Variants in DNMT3A observed in about 807,000 individuals in gnomAD.
The protein encoded by DNMT3A is DNA methyltransferase 3 alpha, also known as DNA (cytosine-5)-methyltransferase 3A.
Under a neutral mutation model 117.6 loss-of-function variants are expected in DNMT3A, and 267 were observed. The observed-to-expected ratio is 2.27, with a 90% confidence interval of 2.05 to 2.51. DNMT3A has a LOEUF of 2.51. Among genes scored for constraint, DNMT3A ranks in the 30% most tolerant of loss-of-function variants. The pLI is 0.00. For synonymous variants in DNMT3A, 432 were observed against 474.8 expected, an observed-to-expected ratio of 0.91 and a Z score of 1.17; for missense variants, 1,029 against 1,260.2, an observed-to-expected ratio of 0.82 and a Z score of 2.78.
chr2:25,234,204 G>A lies in DNMT3A; in HGVS notation c.*75C>T. Reference sequence around the variant, plus strand: ...ACTTCTCTCCATCCTCATGTTCTTGGTGTTTTATTATGTTTTGTGTTTTTT... The same window carrying A: ...ACTTCTCTCCATCCTCATGTTCTTGATGTTTTATTATGTTTTGTGTTTTTT... On this transcript the variant is annotated 3_prime_UTR_variant, in exon 23 of 23. Transcript: ENST00000321117. This position sits in a 1 kb window ranked among gnomAD's most constrained non-coding sequence, Gnocchi z 4.5. 1 of 1,537,256 alleles carries A rather than the reference G, an allele frequency of 6.5e-7. No individual in the cohort carries two copies. The highest frequency in any genetic ancestry group is 8.8e-7 in the Non-Finnish European group (1 of 1,136,124).
At chr2:25,340,338 T>C (rs2035367550) in intron 1 of DNMT3A, among the ~76,000 whole-genome samples, 1 of 150,138 alleles carries the variant, frequency 6.7e-6, no homozygotes, top group South Asian at 2.1e-4. Flanking sequence ...ACGGAGGGGA[T>C]GAGGAGAGGG....
rs758534627 is a variant in DNMT3A, at chr2:25,300,219, G to A, written c.97C>T (p.Arg33Cys). The change falls in exon 3 of 23, where the codon CGT becomes TGT. Residue 33 changes from arginine (R) to cysteine (C), a missense_variant. Transcript: ENST00000321117. ...RKDGEEQEEP[R>C]GKEERQEPST... Reference sequence around the variant, plus strand: ...GGCTCTTGGCGCTCCTCCTTGCCACGCGGCTCCTCCTGCTCCTCTCCGTCC... The same window carrying A: ...GGCTCTTGGCGCTCCTCCTTGCCACACGGCTCCTCCTGCTCCTCTCCGTCC... The A allele has an allele frequency of 1.1e-5, 17 of 1,609,684 alleles. No homozygotes were observed. The highest frequency in any genetic ancestry group is 3.3e-5 in the South Asian group (3 of 91,074).
At chr2:25,325,095 C>G (rs2034735296) in intron 1 of DNMT3A, among the ~76,000 whole-genome samples, 1 of 152,040 alleles carries the variant, frequency 6.6e-6, no homozygotes. Flanking sequence ...AGTCAGACTG[C>G]TTTGCTCACA....
At chr2:25,264,655 G>A (rs1431564746) in intron 6 of DNMT3A, among the ~76,000 whole-genome samples, 1 of 150,620 alleles carries the variant, frequency 6.6e-6, no homozygotes, top group Admixed American at 6.6e-5. Context: ...GTAGAGAGGG[G>A]GTTTCACCAT....
chr2:25,247,683 C>T lies in DNMT3A; in HGVS notation c.922G>A (p.Gly308Ser). 1 of 1,614,004 alleles carries T rather than the reference C, an allele frequency of 6.2e-7. No individual in the cohort carries two copies. Among genetic ancestry groups the T allele is most frequent in the Non-Finnish European group, 8.5e-7 (1 of 1,180,036 alleles). Residue 308 changes from glycine (G) to serine (S), a missense_variant, in exon 8 of 23, where the codon GGC becomes AGC. Transcript: ENST00000321117. This position sits in a 1 kb window ranked among gnomAD's most constrained non-coding sequence, Gnocchi z 5.6. Reference sequence around the variant, plus strand: ...GTCATCCACCAAGACACAATGCGGCCTGGCCACCAGGAGAAGCCCCGCAGT... The same window carrying T: ...GTCATCCACCAAGACACAATGCGGCTTGGCCACCAGGAGAAGCCCCGCAGT... Reference protein sequence around the residue: ...GKLRGFSWWPGRIVSWWMTGR... With the variant: ...GKLRGFSWWPSRIVSWWMTGR...
chr2:25,336,204 C>T (rs1226740254), intron 1 of DNMT3A, among the ~76,000 whole-genome samples: 1 of 152,244 alleles, frequency 6.6e-6, no homozygotes, highest in African/African-American at 2.4e-5. Flanking sequence ...GGGCACCTCC[C>T]CTCTGGGTTG....
Position 25,246,079 on chromosome 2 carries a change from G to A in DNMT3A, c.1430-15C>T. The stretch of plus-strand genomic sequence containing the variant: ...CACCAGCCGCTCTGCAAGGGGAGGA[G>A]AGCTGGCGTCAGAGGAGGCCGCGCC... On this transcript the variant is annotated splice_polypyrimidine_tract_variant and intron_variant, in intron 11 of 22. Transcript: ENST00000321117. 1.9e-6 allele frequency: 3 copies of A among 1,614,190 alleles called. No individual in the cohort carries two copies. The highest frequency in any genetic ancestry group is 2.5e-6 in the Non-Finnish European group (3 of 1,180,026).
chr2:25,292,838 G>A (rs1338556368), intron 3 of DNMT3A, among the ~76,000 whole-genome samples: 1 of 152,102 alleles, frequency 6.6e-6, no homozygotes, highest in East Asian at 1.9e-4. Flanking sequence ...CCTCCAATGG[G>A]TGTGCCGGCG....
At chr2:25,307,087 G>A (rs945069927) in intron 2 of DNMT3A, among the ~76,000 whole-genome samples, 1 of 152,168 alleles carries the variant, frequency 6.6e-6, no homozygotes, top group African/African-American at 2.4e-5. Flanking sequence ...TGCTCTGGGC[G>A]CCCCCTAACT....
At position 25,294,746 on chromosome 2, in the gene DNMT3A, A is replaced by C. The variant is rs374262257; in HGVS notation, c.177+5393T>G. Among the ~76,000 whole-genome samples the C allele has an allele frequency of 2.0e-4, 31 of 152,142 alleles. No individual in the cohort carries two copies. The highest frequency in any genetic ancestry group is 9.6e-4 in the East Asian group (5 of 5,188). ...AGCAGAATGGTTCCCTGACTTCCCCATTTAGGTTACCCCAAGTCATCTGCT... is the reference window on the plus strand; with the variant it reads ...AGCAGAATGGTTCCCTGACTTCCCCCTTTAGGTTACCCCAAGTCATCTGCT... On this transcript the variant is annotated intron_variant, in intron 3 of 22. Transcript: ENST00000321117. The surrounding 1 kb of genome is among the most constrained non-coding windows in gnomAD (Gnocchi z 4.7).
intron 4 of DNMT3A, among the ~76,000 whole-genome samples, chr2:25,280,535 G>A (rs957349451): frequency 4.6e-5 from 7 of 152,072 alleles, no homozygotes; most frequent in African/African-American, 9.7e-5. Flanking sequence ...CCTTCAGCTC[G>A]CGCTGGACAG....
At chr2:25,267,082 G>A (rs1323299644) in intron 6 of DNMT3A, among the ~76,000 whole-genome samples, 1 of 152,178 alleles carries the variant, frequency 6.6e-6, no homozygotes, top group South Asian at 2.1e-4. Flanking sequence ...TAGTAATTAC[G>A]TGGCTAGATT....
At chr2:25,292,699 C>T (rs2032845884) in intron 3 of DNMT3A, among the ~76,000 whole-genome samples, 1 of 152,114 alleles carries the variant, frequency 6.6e-6, no homozygotes, top group Non-Finnish European at 1.5e-5. Flanking sequence ...CTTGCCTTCC[C>T]CTTGATCAAT....
At chr2:25,297,035 G>C (rs1481952955) in intron 3 of DNMT3A, among the ~76,000 whole-genome samples, 2 of 152,102 alleles carry the variant, frequency 1.3e-5, no homozygotes, top group Non-Finnish European at 2.9e-5. Context: ...TCTATTCCCA[G>C]GGCCACAGCT....
Position 25,247,738 on chromosome 2 carries a change from G to A in DNMT3A, c.867C>T (p.Gly289=). 6.2e-7 allele frequency: 1 copy of A among 1,612,632 alleles called. No individual in the cohort carries two copies. Among genetic ancestry groups the A allele is most frequent in the Non-Finnish European group, 8.5e-7 (1 of 1,180,000 alleles). The part of the protein sequence containing the change: ...DDEPEYEDGR[G]FGIGELVWGK... ...CCCACACCAGCTCCCCAATGCCAAAGCCCCGGCCGTCCTGGAGCCCCAAGG... is the reference window on the plus strand; with the variant it reads ...CCCACACCAGCTCCCCAATGCCAAAACCCCGGCCGTCCTGGAGCCCCAAGG... The change falls in exon 8 of 23, where the codon GGC becomes GGT. Residue 289 remains glycine (G), a synonymous_variant. Transcript: ENST00000321117. The surrounding 1 kb of genome is among the most constrained non-coding windows in gnomAD (Gnocchi z 5.6).
chr2:25,277,120 T>G (rs930726766), intron 4 of DNMT3A, among the ~76,000 whole-genome samples: 2 of 151,978 alleles, frequency 1.3e-5, no homozygotes, highest in African/African-American at 2.4e-5. Flanking sequence ...GGGGGCCGCG[T>G]GGGCGGGGAC....
At chr2:25,323,006 T>C (rs948912073) in intron 1 of DNMT3A, among the ~76,000 whole-genome samples, 1 of 152,036 alleles carries the variant, frequency 6.6e-6, no homozygotes, top group Non-Finnish European at 1.5e-5. Context: ...CTGGTTGTTC[T>C]GCTCTACCTA....
rs188194391 is a variant in DNMT3A, at chr2:25,275,258, G to C, written c.493-171C>G. 3.8e-3 allele frequency among the ~76,000 whole-genome samples: 575 copies of C among 152,352 alleles called. 4 individuals carry two copies. The highest frequency in any genetic ancestry group is 0.013 in the African/African-American group (530 of 41,588). On this transcript the variant is annotated intron_variant, in intron 5 of 22. Coordinates refer to ENST00000321117, the MANE Select transcript of DNMT3A (RefSeq NM_022552.5). The stretch of plus-strand genomic sequence containing the variant: ...GAGGAGCGAGGGGCATGTGTGGCGG[G>C]GGTGGGGGGGCACATGGACACGGCC...
chr2:25,284,408 A>G (rs563095670), intron 3 of DNMT3A, among the ~76,000 whole-genome samples: 1 of 152,180 alleles, frequency 6.6e-6, no homozygotes, highest in South Asian at 2.1e-4. Context: ...GCACTTTGGG[A>G]GGCTGAGGCA....
Sources: allele counts gnomAD v4.1 joint callset (sites outside exome capture counted in the v4.1 genomes callset), GRCh38; gene constraint gnomAD v4.1.1; non-coding constraint Gnocchi (gnomAD v3.1); transcripts MANE v1.5; gene names NCBI Gene and HGNC (gene_info 2026-07-23, HGNC 2026-07-21).